The following EGFLAM variants were observed in gnomAD, a reference collection of about 807,000 sequenced individuals.
EGFLAM encodes pikachurin.
In EGFLAM, 79 loss-of-function variants were observed where a neutral mutation model predicts 113.1. The observed-to-expected ratio is 0.70, with a 90% CI of 0.58 to 0.84. EGFLAM has a LOEUF of 0.84. Ranked by LOEUF, EGFLAM falls within the 40% of genes least tolerant of loss-of-function variation. The pLI, the probability that EGFLAM is intolerant of heterozygous loss-of-function variation, is 0.00. For missense variants in EGFLAM, 1,265 were observed against 1,291.6 expected, an observed-to-expected ratio of 0.98 and a Z score of 0.32; for synonymous variants, 504 against 487.6, an observed-to-expected ratio of 1.03 and a Z score of -0.44.
intron 17 of EGFLAM, among the ~76,000 whole-genome samples, chr5:38,447,428 A>G (rs138189200): frequency 9.6e-4 from 146 of 152,202 alleles, no homozygotes; most frequent in African/African-American, 3.4e-3. Context: ...CTTCCCCCAT[A>G]CTACCTGCTA....
intron 5 of EGFLAM, among the ~76,000 whole-genome samples, chr5:38,367,761 CA>C (rs1740101363): frequency 6.6e-6 from 1 of 152,202 alleles, no homozygotes; most frequent in African/African-American, 2.4e-5. Flanking sequence ...TTTGCCTGGT[CA>C]TCTCTTTCTC....
In EGFLAM at chr5:38,287,682, T is replaced by C. The variant is rs115588290; in HGVS notation, c.97+28831T>C. Reference sequence around the variant, plus strand: ...CCACTGCTCCTGGCCAAGACAAGCATATTTCTATTTAATGACTGGTAAGGC... The same window carrying C: ...CCACTGCTCCTGGCCAAGACAAGCACATTTCTATTTAATGACTGGTAAGGC... On this transcript the variant is annotated intron_variant, in intron 1 of 21. Coordinates refer to ENST00000322350, the MANE Select transcript of EGFLAM (RefSeq NM_152403.4). Among the ~76,000 whole-genome samples the C allele has an allele frequency of 9.0e-3, 1,365 of 152,318 alleles. 23 individuals carry two copies. Among genetic ancestry groups the C allele is most frequent in the African/African-American group, 0.031 (1,303 of 41,562 alleles).
At chr5:38,437,164 G>T (rs2112223828) in intron 16 of EGFLAM, among the ~76,000 whole-genome samples, 1 of 152,340 alleles carries the variant, frequency 6.6e-6, no homozygotes, top group Admixed American at 6.5e-5. Flanking sequence ...GAGTCACATT[G>T]CAGGGCAGAA....
chr5:38,288,207 A>C (rs542692133), intron 1 of EGFLAM, among the ~76,000 whole-genome samples: 40 of 152,246 alleles, frequency 2.6e-4, no homozygotes, highest in African/African-American at 9.6e-4. Flanking sequence ...TGCAGATTTA[A>C]AAAAACTGTT....
chr5:38,396,844 T>A (rs1056430913), intron 6 of EGFLAM, among the ~76,000 whole-genome samples: 1 of 152,206 alleles, frequency 6.6e-6, no homozygotes, highest in African/African-American at 2.4e-5. Flanking sequence ...ATCTCCTCCA[T>A]CAGCAGGTGG....
In EGFLAM at chr5:38,464,205, T is replaced by A; in HGVS notation, c.*219T>A. On this transcript the variant is annotated 3_prime_UTR_variant, in exon 22 of 22. Coordinates refer to ENST00000322350, the MANE Select transcript of EGFLAM (RefSeq NM_152403.4). ...CGAGCTGACCCAGCAGAATTCTCTGTGTAGGAAGCATCGGACTTTGTCCAT... is the reference window on the plus strand; with the variant it reads ...CGAGCTGACCCAGCAGAATTCTCTGAGTAGGAAGCATCGGACTTTGTCCAT... 1 of 565,824 alleles carries A rather than the reference T, an allele frequency of 1.8e-6. No homozygotes were observed. Among genetic ancestry groups the A allele is most frequent in the Non-Finnish European group, 3.0e-6 (1 of 328,958 alleles). The allele number at this position is 565,824 out of a possible 1,614,324, so 35.1% of individuals were successfully genotyped here.
Position 38,326,521 on chromosome 5 carries a change from C to T in EGFLAM, c.98-10999C>T, listed in dbSNP as rs559591590. ...TTGATAAGGGTTTTTTTTTTTAAGACGGAGTCTCACTCTGTCACCCAGGCT... is the reference window on the plus strand; with the variant it reads ...TTGATAAGGGTTTTTTTTTTTAAGATGGAGTCTCACTCTGTCACCCAGGCT... On this transcript the variant is annotated intron_variant, in intron 1 of 21. Transcript: ENST00000322350. 1.1e-4 allele frequency among the ~76,000 whole-genome samples: 16 copies of T among 151,524 alleles called. No individual in the cohort carries two copies. In the South Asian group the frequency reaches 2.3e-3, roughly 22 times the overall value.
chr5:38,353,610 A>G (rs1475731795), intron 5 of EGFLAM, among the ~76,000 whole-genome samples: 1 of 152,256 alleles, frequency 6.6e-6, no homozygotes, highest in Non-Finnish European at 1.5e-5. Context: ...GCTTCAGTAC[A>G]GAGTGTTTCA....
chr5:38,347,910 T>G (rs183726459), intron 3 of EGFLAM, among the ~76,000 whole-genome samples: 1 of 152,160 alleles, frequency 6.6e-6, no homozygotes, highest in African/African-American at 2.4e-5. Flanking sequence ...CTTCAAGGGC[T>G]GTAAGGATGA....
At chr5:38,304,206 T>G (rs1306333888) in intron 1 of EGFLAM, among the ~76,000 whole-genome samples, 1 of 152,000 alleles carries the variant, frequency 6.6e-6, no homozygotes, top group Non-Finnish European at 1.5e-5. Flanking sequence ...GATTTACCCT[T>G]TGGAATTCCC....
chr5:38,380,730 T>A (rs1239459487), intron 6 of EGFLAM, among the ~76,000 whole-genome samples: 1 of 152,190 alleles, frequency 6.6e-6, no homozygotes, highest in African/African-American at 2.4e-5. Context: ...TGCATGTAAA[T>A]CTGAGCAACA....
Position 38,425,003 on chromosome 5 carries a change from G to T in EGFLAM, c.1721G>T (p.Cys574Phe). The T allele has an allele frequency of 6.2e-7, 1 of 1,613,966 alleles. No homozygotes were observed. The highest frequency in any genetic ancestry group is 8.5e-7 in the Non-Finnish European group (1 of 1,179,938). Residue 574 changes from cysteine (C) to phenylalanine (F), a missense_variant, in exon 13 of 22, where the codon TGC becomes TTC. Physicochemically the swap from Cys to Phe is radical, Grantham distance 205. Transcript: ENST00000322350. ...CSSGICDEASCIHGGTCTAIK... is the reference protein window; with the variant it reads ...CSSGICDEASFIHGGTCTAIK... ...AGTGGAATCTGTGATGAGGCCTCGT[G>T]CATCCATGGTGGCACCTGCACAGCA...
intron 9 of EGFLAM, among the ~76,000 whole-genome samples, chr5:38,408,270 C>G (rs1441225947): frequency 6.6e-6 from 1 of 152,184 alleles, no homozygotes; most frequent in Non-Finnish European, 1.5e-5. Context: ...AAAAAGAGAG[C>G]CCAATTCTCT....
chr5:38,460,854 G>T (rs1213246603), intron 20 of EGFLAM: 1 of 152,234 alleles, frequency 6.6e-6, no homozygotes, highest in Non-Finnish European at 1.5e-5. Flanking sequence ...AGATTGCCCA[G>T]GGGGCCTTGC....
intron 17 of EGFLAM, among the ~76,000 whole-genome samples, chr5:38,441,675 A>G (rs1462591085): frequency 6.6e-6 from 1 of 152,030 alleles, no homozygotes; most frequent in African/African-American, 2.4e-5. Context: ...ATACATTTGG[A>G]TAATCCTGAG....
intron 1 of EGFLAM, among the ~76,000 whole-genome samples, chr5:38,333,886 C>T (rs1307594499): frequency 2.3e-5 from 3 of 132,042 alleles, no homozygotes; most frequent in African/African-American, 9.2e-5. Flanking sequence ...CCACTTTTCA[C>T]TCATTGTCTG....
At chr5:38,417,347 CAAAAAAAA>C (rs752613827) in intron 11 of EGFLAM, among the ~76,000 whole-genome samples, 1 of 78,474 alleles carries the variant, frequency 1.3e-5, no homozygotes, top group Non-Finnish European at 2.2e-5. Context: ...GACTCTGTCT[CAAAAAAAA>C]AAAAAAAAAA....
intron 1 of EGFLAM, among the ~76,000 whole-genome samples, chr5:38,317,836 C>T (rs1368680137): frequency 6.6e-6 from 1 of 152,128 alleles, no homozygotes; most frequent in Non-Finnish European, 1.5e-5. Flanking sequence ...CAGATTCTGG[C>T]CCAGTATGAG....
intron 6 of EGFLAM, among the ~76,000 whole-genome samples, chr5:38,388,279 G>C (rs2112080561): frequency 6.6e-6 from 1 of 152,262 alleles, no homozygotes; most frequent in Middle Eastern, 3.4e-3. Flanking sequence ...TCAACTTTGA[G>C]CTTCCCAGAA....
Sources: gnomAD v4.1 joint callset for allele counts (sites outside exome capture counted in the v4.1 genomes callset) on GRCh38, gnomAD v4.1.1 for gene constraint, MANE v1.5 for transcripts, NCBI Gene and HGNC (gene_info 2026-07-23, HGNC 2026-07-21) for gene names.